Variants in LRRFIP2 observed in about 807,000 individuals in gnomAD.
LRRFIP2 encodes the protein leucine-rich repeat flightless-interacting protein 2.
LRRFIP2 carries 109 observed loss-of-function variants against 125.9 expected under a neutral mutation model. The observed-to-expected ratio is 0.87, with a 90% CI of 0.74 to 1.01. The LOEUF (loss-of-function observed/expected upper bound fraction) is 1.01, where lower values mean the gene tolerates loss of function less well. Among genes scored for constraint, LRRFIP2 ranks in the 50% least tolerant of loss-of-function variants. The pLI is 0.00. For missense variants in LRRFIP2, 850 were observed against 862.3 expected, an observed-to-expected ratio of 0.99 and a Z score of 0.18; for synonymous variants, 291 against 293.1, an observed-to-expected ratio of 0.99 and a Z score of 0.07.
chr3:37,092,220 A>C (rs2093481736), intron 17 of LRRFIP2, among the ~76,000 whole-genome samples: 1 of 152,246 alleles, frequency 6.6e-6, no homozygotes, highest in South Asian at 2.1e-4. Flanking sequence ...AATGGAAAAT[A>C]CTGTTTCCCT....
intron 15 of LRRFIP2, among the ~76,000 whole-genome samples, chr3:37,100,279 G>A (rs2093949031): frequency 6.6e-6 from 1 of 150,500 alleles, no homozygotes; most frequent in Non-Finnish European, 1.5e-5. Context: ...GAGCTATGAT[G>A]GCTCCACAGC....
At chr3:37,097,649 TA>T (rs1029915294) in intron 15 of LRRFIP2, among the ~76,000 whole-genome samples, 1 of 152,152 alleles carries the variant, frequency 6.6e-6, no homozygotes, top group African/African-American at 2.4e-5. Context: ...TTGCCACAAT[TA>T]AATTAACCTA....
chr3:37,172,372 T>C (rs555557898), intron 1 of LRRFIP2, among the ~76,000 whole-genome samples: 9 of 152,178 alleles, frequency 5.9e-5, no homozygotes, highest in Non-Finnish European at 1.3e-4. Context: ...AAGAAATATG[T>C]GCTAAATACA....
intron 8 of LRRFIP2, among the ~76,000 whole-genome samples, chr3:37,111,419 A>G (rs890163905): frequency 1.3e-5 from 2 of 152,232 alleles, no homozygotes; most frequent in Admixed American, 6.5e-5. Flanking sequence ...AGAAGTTATT[A>G]AAGAGCTATG....
intron 18 of LRRFIP2, among the ~76,000 whole-genome samples, chr3:37,085,631 G>C (rs1172687219): frequency 1.3e-5 from 2 of 150,758 alleles, no homozygotes; most frequent in Admixed American, 1.3e-4. Flanking sequence ...GCCCGGGCTG[G>C]AGTGCAATGG....
At chr3:37,080,033 C>G (rs768096444) in intron 19 of LRRFIP2, among the ~76,000 whole-genome samples, 7 of 152,104 alleles carry the variant, frequency 4.6e-5, no homozygotes, top group Non-Finnish European at 8.8e-5. Context: ...ATACTAAAAA[C>G]CACTGAATTG....
At chr3:37,057,061 T>C (rs1000375190) in intron 25 of LRRFIP2, among the ~76,000 whole-genome samples, 2 of 152,198 alleles carry the variant, frequency 1.3e-5, no homozygotes, top group Non-Finnish European at 2.9e-5. Flanking sequence ...CCTGGCCTTC[T>C]GGTCCAGGGA....
rs1332036409 is a variant in LRRFIP2, at chr3:37,054,550, G to A, written c.1951-35C>T. The A allele has an allele frequency of 2.8e-6, 4 of 1,410,320 alleles. No homozygotes were observed. In the South Asian group the frequency reaches 3.7e-5, roughly 13 times the overall value. 87.4% of individuals were successfully genotyped at this position (1,410,320 alleles called of 1,614,324 possible). A position where few individuals can be genotyped will look rare whatever the true frequency, so the allele number is the denominator to read the frequency against. Reference sequence around the variant, plus strand: ...TGAGAACATAGGCCTCTAGTACTGGGCACTAGAAGTCACCACTTTTTGGTA... The same window carrying A: ...TGAGAACATAGGCCTCTAGTACTGGACACTAGAAGTCACCACTTTTTGGTA... On this transcript the variant is annotated intron_variant, in intron 26 of 27. Coordinates refer to ENST00000336686, the MANE Select transcript of LRRFIP2 (RefSeq NM_006309.4).
At chr3:37,105,097 T>C (rs1251026588) in intron 14 of LRRFIP2, among the ~76,000 whole-genome samples, 2 of 152,234 alleles carry the variant, frequency 1.3e-5, no homozygotes, top group Admixed American at 6.5e-5. Context: ...TTGTAATCCA[T>C]AGTTATGAGT....
At chr3:37,119,760 A>G (rs2094943649) in intron 6 of LRRFIP2, among the ~76,000 whole-genome samples, 1 of 152,124 alleles carries the variant, frequency 6.6e-6, no homozygotes, top group Admixed American at 6.5e-5. Flanking sequence ...CACGGATCCA[A>G]CTGATTCTCA....
chr3:37,115,212 T>C, intron 6 of LRRFIP2, 117 bp from the exon 7 acceptor site: 1 of 668,156 alleles, frequency 1.5e-6, no homozygotes, highest in Non-Finnish European at 2.6e-6. Flanking sequence ...AATAAAAAAT[T>C]ATTAAACATG....
At chr3:37,153,611 G>C (rs1022687304) in intron 1 of LRRFIP2, among the ~76,000 whole-genome samples, 1 of 152,056 alleles carries the variant, frequency 6.6e-6, no homozygotes, top group African/African-American at 2.4e-5. Flanking sequence ...CTATGCCTTA[G>C]ACCTGCCAGA....
At chr3:37,100,110 G>C (rs1287538231) in intron 15 of LRRFIP2, among the ~76,000 whole-genome samples, 1 of 152,068 alleles carries the variant, frequency 6.6e-6, no homozygotes, top group African/African-American at 2.4e-5. Context: ...TTGCTCCAGA[G>C]AGAGGCCCAG....
At chr3:37,055,853 A>G (rs1382109751) in intron 25 of LRRFIP2, among the ~76,000 whole-genome samples, 1 of 152,112 alleles carries the variant, frequency 6.6e-6, no homozygotes, top group African/African-American at 2.4e-5. Context: ...ACGCGGCCCC[A>G]TGCCTTCCCA....
At position 37,096,572 on chromosome 3, in the gene LRRFIP2, T is replaced by TTTAA. The variant is rs1430110033; in HGVS notation, c.918+40_918+43dup. 7 of 1,241,074 alleles carry TTTAA rather than the reference T, an allele frequency of 5.6e-6. No homozygotes were observed. The African/African-American group carries it at 1.1e-4, about 19-fold the overall frequency. The allele number at this position is 1,241,074 out of a possible 1,614,324, so 76.9% of individuals were successfully genotyped here. On this transcript the variant is annotated intron_variant, in intron 16 of 27. Coordinates refer to ENST00000336686, the MANE Select transcript of LRRFIP2 (RefSeq NM_006309.4). Reference sequence around the variant, plus strand: ...TAATGAACAAGTTACAGATAGCAAGTTTAATTGACCTTGAGAATTTCCCTT... The same window carrying TTTAA: ...TAATGAACAAGTTACAGATAGCAAGTTTAATTAATTGACCTTGAGAATTTCCCTT...
chr3:37,135,529 G>T (rs1283503246), intron 2 of LRRFIP2, among the ~76,000 whole-genome samples: 1 of 151,316 alleles, frequency 6.6e-6, no homozygotes, highest in African/African-American at 2.4e-5. Flanking sequence ...TTCTACATTA[G>T]ATACTTCCTT....
rs530820909 is a variant in LRRFIP2 at position 37,157,754 on chromosome 3, A to C, written c.-55-8716T>G. Among the ~76,000 whole-genome samples the C allele has an allele frequency of 2.0e-5, 3 of 152,354 alleles. No homozygotes were observed. The South Asian group carries it at 6.2e-4, about 32-fold the overall frequency. On this transcript the variant is annotated intron_variant, in intron 1 of 27. Transcript: ENST00000336686. ...GCAAAACTGGAGAACTTGGCAAAACAAGGAAAGGCAAATGCTAAACACAAA... is the reference window on the plus strand; with the variant it reads ...GCAAAACTGGAGAACTTGGCAAAACCAGGAAAGGCAAATGCTAAACACAAA...
At chr3:37,158,326 G>A (rs1467217661) in intron 1 of LRRFIP2, among the ~76,000 whole-genome samples, 1 of 152,188 alleles carries the variant, frequency 6.6e-6, no homozygotes, top group East Asian at 1.9e-4. Flanking sequence ...TGTGAAACAG[G>A]CCAGGCACGG....
intron 24 of LRRFIP2, among the ~76,000 whole-genome samples, chr3:37,062,481 G>A (rs1372194236): frequency 6.6e-6 from 1 of 152,126 alleles, no homozygotes; most frequent in African/African-American, 2.4e-5. Flanking sequence ...AGAATTGACA[G>A]GGGCCCAGCA....
Sources: allele counts gnomAD v4.1 joint callset (sites outside exome capture counted in the v4.1 genomes callset), GRCh38; gene constraint gnomAD v4.1.1; transcripts MANE v1.5; gene names NCBI Gene and HGNC (gene_info 2026-07-23, HGNC 2026-07-21).